Variants in CNTN3 observed in about 807,000 individuals in gnomAD.
CNTN3 encodes the protein contactin-3.
Under a neutral mutation model 119.1 loss-of-function variants are expected in CNTN3, and 60 were observed. The observed-to-expected ratio is 0.50, with a 90% confidence interval of 0.41 to 0.62. The LOEUF is 0.62. Among genes scored for constraint, CNTN3 ranks in the 20% least tolerant of loss-of-function variants. The pLI is 0.00. For synonymous variants in CNTN3, 450 were observed against 438.7 expected, an observed-to-expected ratio of 1.03 and a Z score of -0.32; for missense variants, 1,101 against 1,242.4, an observed-to-expected ratio of 0.89 and a Z score of 1.71.
At chr3:74,338,498 G>GTA (rs1456910327) in intron 11 of CNTN3, among the ~76,000 whole-genome samples, 1 of 147,910 alleles carries the variant, frequency 6.8e-6, no homozygotes, top group Non-Finnish European at 1.5e-5. Context: ...ACACGTGCGT[G>GTA]TGTGTGTGTA....
chr3:74,599,012 G>C (rs1704861385), intron 1 of CNTN3, among the ~76,000 whole-genome samples: 1 of 152,000 alleles, frequency 6.6e-6, no homozygotes, highest in African/African-American at 2.4e-5. Flanking sequence ...TCATAAGAAA[G>C]GTAGCTACAC....
intron 4 of CNTN3, among the ~76,000 whole-genome samples, chr3:74,431,167 G>C (rs1701777259): frequency 6.6e-6 from 1 of 152,156 alleles, no homozygotes; most frequent in Non-Finnish European, 1.5e-5. Flanking sequence ...GCCTATCCAA[G>C]CTCTGCACTT....
intron 5 of CNTN3, among the ~76,000 whole-genome samples, chr3:74,424,130 C>A (rs988937764): frequency 1.3e-5 from 2 of 152,074 alleles, no homozygotes; most frequent in Non-Finnish European, 2.9e-5. Context: ...ATTAATAATG[C>A]CCTCTTTGTT....
At chr3:74,375,024 C>T (rs1225155200) in intron 5 of CNTN3, among the ~76,000 whole-genome samples, 1 of 152,124 alleles carries the variant, frequency 6.6e-6, no homozygotes. Context: ...TTTATAAACA[C>T]TCCCTTTCTC....
intron 4 of CNTN3, among the ~76,000 whole-genome samples, chr3:74,448,179 C>T (rs1333930167): frequency 6.6e-6 from 1 of 152,152 alleles, no homozygotes; most frequent in East Asian, 1.9e-4. Context: ...GAGAGCAGGA[C>T]TATAATTTCA....
Position 74,543,667 on chromosome 3 carries a change from C to T in CNTN3, c.-80-22475G>A, listed in dbSNP as rs138064121. Among the ~76,000 whole-genome samples the T allele has an allele frequency of 3.1e-4, 47 of 152,116 alleles. 1 individual carries two copies. Among genetic ancestry groups the T allele is most frequent in the African/African-American group, 9.9e-4 (41 of 41,498 alleles). On this transcript the variant is annotated intron_variant, in intron 1 of 22. Transcript: ENST00000263665. The stretch of plus-strand genomic sequence containing the variant: ...TTTTACGTATAGATATTAATTTGTA[C>T]CCCTCCTCCTAAAAAAATACTCTAA...
intron 4 of CNTN3, among the ~76,000 whole-genome samples, chr3:74,436,450 T>C (rs989133252): frequency 3.3e-5 from 5 of 152,170 alleles, no homozygotes; most frequent in Admixed American, 2.6e-4. Flanking sequence ...CTCTCAGTTG[T>C]CCAGGGCAAA....
At chr3:74,546,776 T>G (rs534797749) in intron 1 of CNTN3, among the ~76,000 whole-genome samples, 1 of 152,318 alleles carries the variant, frequency 6.6e-6, no homozygotes, top group East Asian at 1.9e-4. Context: ...GGGACTTCAC[T>G]TTGTGATTGT....
intron 2 of CNTN3, among the ~76,000 whole-genome samples, chr3:74,504,914 T>G (rs561187670): frequency 1.4e-4 from 22 of 152,238 alleles, no homozygotes; most frequent in African/African-American, 5.3e-4. Context: ...CAAAACAGAA[T>G]TTTTTGTCTC....
At chr3:74,353,612 C>T (rs543031845) in intron 11 of CNTN3, among the ~76,000 whole-genome samples, 1 of 152,066 alleles carries the variant, frequency 6.6e-6, no homozygotes, top group South Asian at 2.1e-4. Flanking sequence ...AAAAATTAGC[C>T]GGGCGTGGTG....
chr3:74,347,920 G>C lies in CNTN3; in HGVS notation c.1365-11262C>G, dbSNP rs571717545. Among the ~76,000 whole-genome samples the C allele has an allele frequency of 6.5e-4, 99 of 152,316 alleles. 4 individuals are homozygous for C. In the South Asian group the frequency reaches 0.02, roughly 31 times the overall value. The stretch of plus-strand genomic sequence containing the variant: ...ATTTGTCACAACATGGATGAACCTA[G>C]AGGACATTATGTGAAATGAAGTAAA... On this transcript the variant is annotated intron_variant, in intron 11 of 22. Transcript: ENST00000263665.
At chr3:74,488,257 C>T (rs962328875) in intron 3 of CNTN3, among the ~76,000 whole-genome samples, 2 of 151,990 alleles carry the variant, frequency 1.3e-5, no homozygotes, top group South Asian at 2.1e-4. Flanking sequence ...GGACTACAGG[C>T]GCCCGACACC....
intron 13 of CNTN3, among the ~76,000 whole-genome samples, chr3:74,325,224 A>G (rs1575727579): frequency 6.6e-6 from 1 of 152,272 alleles, no homozygotes; most frequent in East Asian, 1.9e-4. Context: ...TTAAATTAAT[A>G]TCCTATACAA....
intron 5 of CNTN3, among the ~76,000 whole-genome samples, chr3:74,414,976 C>G (rs548006180): frequency 4.0e-4 from 59 of 147,148 alleles, no homozygotes; most frequent in African/African-American, 1.3e-3. Flanking sequence ...TGACTTATAG[C>G]TAATTTTTTA....
chr3:74,413,914 A>G (rs1701478059), intron 5 of CNTN3, among the ~76,000 whole-genome samples: 1 of 152,208 alleles, frequency 6.6e-6, no homozygotes, highest in Non-Finnish European at 1.5e-5. Context: ...ACAGAGCAAC[A>G]GTCACAGGCA....
At chr3:74,283,617 AG>A in intron 20 of CNTN3, among the ~76,000 whole-genome samples, 1 of 152,136 alleles carries the variant, frequency 6.6e-6, no homozygotes, top group Admixed American at 6.5e-5. Context: ...ATAATTTCCT[AG>A]CAAGTAATCA....
Position 74,591,475 on chromosome 3 carries a change from C to T in CNTN3, c.-81+22916G>A, listed in dbSNP as rs6790890. On this transcript the variant is annotated intron_variant, in intron 1 of 22. Coordinates refer to ENST00000263665, the MANE Select transcript of CNTN3 (RefSeq NM_020872.3). Reference sequence around the variant, plus strand: ...CAGTGGGAAAGTGGTGTGAAGACAGCTGTGTTCTAAGATAATTCATACAGT... The same window carrying T: ...CAGTGGGAAAGTGGTGTGAAGACAGTTGTGTTCTAAGATAATTCATACAGT... 3.2e-3 allele frequency among the ~76,000 whole-genome samples: 486 copies of T among 151,876 alleles called. 2 individuals are homozygous for T. The highest frequency in any genetic ancestry group is 0.011 in the African/African-American group (452 of 41,444).
chr3:74,383,623 C>CTA (rs1469954067), intron 5 of CNTN3, among the ~76,000 whole-genome samples: 2 of 151,988 alleles, frequency 1.3e-5, no homozygotes, highest in East Asian at 3.9e-4. Flanking sequence ...GTAGCTGGGA[C>CTA]CACAGTGCAT....
At chr3:74,395,290 G>A (rs1489794731) in intron 5 of CNTN3, among the ~76,000 whole-genome samples, 1 of 152,086 alleles carries the variant, frequency 6.6e-6, no homozygotes. Context: ...ATGCTTTGAA[G>A]AACATAACCA....
Sources: allele counts gnomAD v4.1 joint callset (sites outside exome capture counted in the v4.1 genomes callset), GRCh38; gene constraint gnomAD v4.1.1; transcripts MANE v1.5; gene names NCBI Gene and HGNC (gene_info 2026-07-23, HGNC 2026-07-21).